Variants in ADGRV1 observed in about 807,000 individuals in gnomAD.
ADGRV1 encodes G-protein coupled receptor 98.
In ADGRV1, 359 loss-of-function variants were observed where a neutral mutation model predicts 596.2. The observed-to-expected ratio is 0.60, with a 90% confidence interval of 0.55 to 0.66. ADGRV1 has a LOEUF of 0.66. ADGRV1 is among the 30% of genes least tolerant of loss of function. The probability of loss-of-function intolerance (pLI) is 0.00; values close to 1 mark genes in which losing one functional copy is unlikely to be tolerated. For synonymous variants in ADGRV1, 2,681 were observed against 2,679.2 expected (o/e 1.00, Z -0.02); for missense variants, 7,274 against 7,575.6 (o/e 0.96, Z 1.48).
intron 85 of ADGRV1, among the ~76,000 whole-genome samples, chr5:91,059,949 G>C (rs995232466): frequency 6.6e-6 from 1 of 151,872 alleles, no homozygotes; most frequent in Non-Finnish European, 1.5e-5. Flanking sequence ...GCATATTTAG[G>C]GTTTAGATAT....
intron 85 of ADGRV1, among the ~76,000 whole-genome samples, chr5:91,003,814 G>A (rs1347711285): frequency 6.6e-6 from 1 of 152,118 alleles, no homozygotes; most frequent in Non-Finnish European, 1.5e-5. Flanking sequence ...ATCAGTATGG[G>A]TACATGTATT....
chr5:90,573,773 T>C (rs1378553037), intron 1 of ADGRV1, among the ~76,000 whole-genome samples: 1 of 152,144 alleles, frequency 6.6e-6, no homozygotes, highest in Non-Finnish European at 1.5e-5. Context: ...GATTGAGAAC[T>C]GGGCATTAAG....
intron 75 of ADGRV1, among the ~76,000 whole-genome samples, chr5:90,822,568 C>T (rs895166857): frequency 3.9e-5 from 6 of 152,130 alleles, no homozygotes; most frequent in Admixed American, 6.5e-5. Context: ...AGCGTGATGC[C>T]TCCAGCTTTG....
At chr5:90,569,678 A>G (rs1283424238) in intron 1 of ADGRV1, among the ~76,000 whole-genome samples, 3 of 151,028 alleles carry the variant, frequency 2.0e-5, no homozygotes, top group African/African-American at 7.3e-5. Flanking sequence ...GATATTTTCT[A>G]GTGTATCATT....
intron 84 of ADGRV1, among the ~76,000 whole-genome samples, chr5:90,974,760 T>G (rs1486704835): frequency 6.6e-6 from 1 of 152,166 alleles, no homozygotes; most frequent in African/African-American, 2.4e-5. Context: ...GAAGAAAACC[T>G]AGGCAATACC....
At chr5:91,132,382 AT>A (rs1050536988) in intron 87 of ADGRV1, among the ~76,000 whole-genome samples, 2 of 152,206 alleles carry the variant, frequency 1.3e-5, no homozygotes, top group East Asian at 1.9e-4. Context: ...TTCTGAAAAG[AT>A]TTCAACAAGT....
intron 87 of ADGRV1, among the ~76,000 whole-genome samples, chr5:91,147,092 G>C (rs568322281): frequency 6.6e-6 from 1 of 151,080 alleles, no homozygotes; most frequent in East Asian, 2.0e-4. Context: ...GCTTGAGCCT[G>C]GGAGGCAGGT....
chr5:90,644,917 T>G, intron 15 of ADGRV1, 48 bp downstream of exon 15: 2 of 1,258,176 alleles, frequency 1.6e-6, no homozygotes, highest in Non-Finnish European at 1.1e-6. Flanking sequence ...AGTTGATCAA[T>G]AATTATTTTT....
intron 27 of ADGRV1, among the ~76,000 whole-genome samples, chr5:90,681,737 T>G (rs1744957198): frequency 6.6e-6 from 1 of 152,206 alleles, no homozygotes; most frequent in South Asian, 2.1e-4. Context: ...TTTTTGTGTT[T>G]GTTCAGATAG....
intron 87 of ADGRV1, among the ~76,000 whole-genome samples, chr5:91,119,965 T>C (rs535269703): frequency 2.3e-4 from 35 of 152,322 alleles, no homozygotes; most frequent in Non-Finnish European, 4.4e-4. Context: ...AGTGAGTGCC[T>C]ATCCAGCCTT....
At chr5:90,684,304 C>G in intron 28 of ADGRV1, 109 bp downstream of exon 28, 1 of 1,042,170 alleles carries the variant, frequency 9.6e-7, no homozygotes, top group Non-Finnish European at 1.3e-6. Context: ...TAAACTCTAA[C>G]TTTGAAAATG....
intron 87 of ADGRV1, among the ~76,000 whole-genome samples, chr5:91,110,128 T>A (rs1259532131): frequency 6.6e-6 from 1 of 152,184 alleles, no homozygotes; most frequent in East Asian, 1.9e-4. Flanking sequence ...ATAACCTCTA[T>A]TTTAAAAAAA....
At chr5:91,066,636 C>T (rs1177321050) in intron 85 of ADGRV1, among the ~76,000 whole-genome samples, 1 of 152,194 alleles carries the variant, frequency 6.6e-6, no homozygotes, top group East Asian at 1.9e-4. Flanking sequence ...AGCTCCTCTC[C>T]ATGGACCATC....
chr5:90,985,404 C>T lies in ADGRV1; in HGVS notation c.18034C>T (p.Leu6012=), dbSNP rs1455699002. 2 of 1,613,678 alleles carry T rather than the reference C, an allele frequency of 1.2e-6. No homozygotes were observed. The highest frequency in any genetic ancestry group is 2.7e-5 in the African/African-American group (2 of 75,030). ...NDEHTERRYL[L]FFLLSWGLPA... ...TGAGCACACAGAGAGGCGATATCTG[C>T]TGTTTTTCCTTCTGAGTTGGGGACT... Residue 6012 remains leucine, a synonymous_variant, in exon 85 of 90, where the codon CTG becomes TTG. Coordinates refer to ENST00000405460, the MANE Select transcript of ADGRV1 (RefSeq NM_032119.4).
At chr5:90,824,282 T>C (rs1258781653) in intron 76 of ADGRV1, among the ~76,000 whole-genome samples, 11 of 152,246 alleles carry the variant, frequency 7.2e-5, no homozygotes, top group African/African-American at 2.7e-4. Context: ...ATACTTGCTT[T>C]ATAGCAATAA....
intron 85 of ADGRV1, among the ~76,000 whole-genome samples, chr5:91,017,192 A>T (rs1354690027): frequency 6.6e-6 from 1 of 151,992 alleles, no homozygotes; most frequent in African/African-American, 2.4e-5. Flanking sequence ...TTTCATTAAG[A>T]GGTGCTGTTC....
chr5:90,878,561 CG>C (rs1769438656), intron 83 of ADGRV1, among the ~76,000 whole-genome samples: 1 of 152,142 alleles, frequency 6.6e-6, no homozygotes, highest in Admixed American at 6.5e-5. Context: ...GATCTCATTC[CG>C]AAGAACACCT....
chr5:91,101,388 A>T (rs921246400), intron 86 of ADGRV1, among the ~76,000 whole-genome samples: 2 of 152,192 alleles, frequency 1.3e-5, no homozygotes, highest in South Asian at 2.1e-4. Context: ...GAGGTCTGTC[A>T]TGAAAGTTGT....
intron 1 of ADGRV1, among the ~76,000 whole-genome samples, chr5:90,590,997 T>A (rs912834635): frequency 2.6e-5 from 4 of 152,222 alleles, no homozygotes; most frequent in Non-Finnish European, 5.9e-5. Flanking sequence ...GTATAATTTA[T>A]GGGTTACATG....
Sources: allele counts gnomAD v4.1 joint callset (sites outside exome capture counted in the v4.1 genomes callset), GRCh38; gene constraint gnomAD v4.1.1; transcripts MANE v1.5; gene names NCBI Gene and HGNC (gene_info 2026-07-23, HGNC 2026-07-21).